The following PCDHGA2 variants were observed in gnomAD, a reference collection of about 807,000 sequenced individuals.
PCDHGA2 encodes the protein protocadherin gamma subfamily A, 2.
Under a neutral mutation model 59.2 loss-of-function variants are expected in PCDHGA2, and 40 were observed. The observed-to-expected ratio is 0.68, with a 90% confidence interval of 0.52 to 0.88. The LOEUF is 0.88. PCDHGA2 is among the 40% of genes least tolerant of loss of function. The pLI, the probability that PCDHGA2 is intolerant of heterozygous loss-of-function variation, is 0.00. For missense variants in PCDHGA2, 1,226 were observed against 1,204.0 expected (o/e 1.02, Z -0.27); for synonymous variants, 560 against 526.0 (o/e 1.06, Z -0.89).
At chr5:141,394,660 T>G in intron 1 of PCDHGA2, 1 of 1,613,264 alleles carries the variant, frequency 6.2e-7, no homozygotes, top group East Asian at 2.2e-5. Context: ...GAGCCGGGAC[T>G]CTTCTCGGTG....
intron 1 of PCDHGA2, chr5:141,346,252 T>C: frequency 6.2e-7 from 1 of 1,614,176 alleles, no homozygotes; most frequent in East Asian, 2.2e-5. Flanking sequence ...GGCTCGCACT[T>C]TGTGGGCGCG....
chr5:141,352,644 C>T, intron 1 of PCDHGA2: 6 of 1,605,670 alleles, frequency 3.7e-6, no homozygotes, highest in Non-Finnish European at 5.1e-6. Context: ...CACAAAATCG[C>T]TTATGACCCT....
chr5:141,486,637 G>T lies in PCDHGA2; in HGVS notation c.2425-8170G>T. On this transcript the variant is annotated intron_variant, in intron 1 of 3. Coordinates refer to ENST00000394576, the MANE Select transcript of PCDHGA2 (RefSeq NM_018915.4). This position sits in a 1 kb window ranked among gnomAD's most constrained non-coding sequence, Gnocchi z 5.0. ...CTGACCCAGACTCTGGCTTGAATGCGCTTATCTCCTACTCACTCCTGGAGC... is the reference window on the plus strand; with the variant it reads ...CTGACCCAGACTCTGGCTTGAATGCTCTTATCTCCTACTCACTCCTGGAGC... 6.2e-7 allele frequency: 1 copy of T among 1,613,638 alleles called. No homozygotes were observed. The highest frequency in any genetic ancestry group is 8.5e-7 in the Non-Finnish European group (1 of 1,180,034).
At position 141,338,842 on chromosome 5, in the gene PCDHGA2, C is replaced by G. The variant is rs1476602900; in HGVS notation, c.-130C>G. On this transcript the variant is annotated 5_prime_UTR_variant, in exon 1 of 4. Transcript: ENST00000394576. Reference sequence around the variant, plus strand: ...AGGACACCAAAGAAATTCAGTCGAACAGCCCACCAGTTCTCTCCATAGGGA... The same window carrying G: ...AGGACACCAAAGAAATTCAGTCGAAGAGCCCACCAGTTCTCTCCATAGGGA... 1 of 1,396,648 alleles carries G rather than the reference C, an allele frequency of 7.2e-7. No homozygotes were observed. The highest frequency in any genetic ancestry group is 3.2e-5 in the Admixed American group (1 of 31,098). The allele number at this position is 1,396,648 out of a possible 1,614,324, so 86.5% of individuals were successfully genotyped here.
At chr5:141,478,513 G>A in intron 1 of PCDHGA2, 1 of 1,611,520 alleles carries the variant, frequency 6.2e-7, no homozygotes. Context: ...TCTATAGGCA[G>A]GTGTTGGGTG....
At chr5:141,359,388 T>C (rs960100027) in intron 1 of PCDHGA2, among the ~76,000 whole-genome samples, 6 of 152,096 alleles carry the variant, frequency 3.9e-5, no homozygotes, top group African/African-American at 9.7e-5. Context: ...ATTTATAACC[T>C]AAAATCAAAT....
chr5:141,415,301 T>C, intron 1 of PCDHGA2: 1 of 1,614,230 alleles, frequency 6.2e-7, no homozygotes, highest in South Asian at 1.1e-5. Context: ...TGCGTCTTCC[T>C]GGCCTTCGTC....
intron 1 of PCDHGA2, chr5:141,343,416 T>C (rs967311105): frequency 1.0e-6 from 1 of 965,384 alleles, no homozygotes; most frequent in East Asian, 1.1e-4. Context: ...ATAACCCTGA[T>C]AAATGTAGTA....
chr5:141,393,656 C>T (rs762750239), intron 1 of PCDHGA2: 2 of 1,613,868 alleles, frequency 1.2e-6, no homozygotes, highest in East Asian at 4.5e-5. Context: ...CATACAAATT[C>T]CGGAAAATTA....
Position 141,383,203 on chromosome 5 carries a change from T to A in PCDHGA2, c.2424+41808T>A, listed in dbSNP as rs755782697. The A allele has an allele frequency of 2.5e-6, 4 of 1,613,936 alleles. No homozygotes were observed. The highest frequency in any genetic ancestry group is 3.3e-5 in the Admixed American group (2 of 60,008). On this transcript the variant is annotated intron_variant, in intron 1 of 3. Coordinates refer to ENST00000394576, the MANE Select transcript of PCDHGA2 (RefSeq NM_018915.4). ...AGAGATCTGCGCTCAGAGTGCGCGGTGTCTGGTAAACTTTAACATCCTGAT... is the reference window on the plus strand; with the variant it reads ...AGAGATCTGCGCTCAGAGTGCGCGGAGTCTGGTAAACTTTAACATCCTGAT...
intron 1 of PCDHGA2, chr5:141,394,972 A>T (rs766374618): frequency 1.7e-5 from 28 of 1,613,900 alleles, no homozygotes; most frequent in Non-Finnish European, 2.3e-5. Flanking sequence ...AGGCGCTGGC[A>T]CAAGTCACGC....
intron 1 of PCDHGA2, chr5:141,365,312 G>T: frequency 1.2e-6 from 2 of 1,614,006 alleles, no homozygotes; most frequent in African/African-American, 1.3e-5. Context: ...AGGCGCTCTT[G>T]TTGCCAGCGC....
chr5:141,364,895 C>T lies in PCDHGA2; in HGVS notation c.2424+23500C>T, dbSNP rs200656228. The T allele has an allele frequency of 3.7e-6, 6 of 1,613,860 alleles. No homozygotes were observed. The African/African-American group carries it at 6.7e-5, about 18-fold the overall frequency. ...GGATGTGGTAAGCGGAACTGATGGA[C>T]AAAAGTATCCGGAGCTGGTGTTGGA... On this transcript the variant is annotated intron_variant, in intron 1 of 3. Coordinates refer to ENST00000394576, the MANE Select transcript of PCDHGA2 (RefSeq NM_018915.4).
At chr5:141,467,939 A>G (rs2099154812) in intron 1 of PCDHGA2, among the ~76,000 whole-genome samples, 2 of 152,190 alleles carry the variant, frequency 1.3e-5, no homozygotes, top group Admixed American at 6.5e-5. Context: ...GATTACAAGC[A>G]TGAGCCACCA....
chr5:141,372,867 T>A, intron 1 of PCDHGA2: 1 of 1,387,652 alleles, frequency 7.2e-7, no homozygotes, highest in Non-Finnish European at 9.7e-7. Context: ...TTCATTGATT[T>A]AGAGATAAAA....
chr5:141,338,895 C>T lies in PCDHGA2; in HGVS notation c.-77C>T. 6.8e-7 allele frequency: 1 copy of T among 1,481,044 alleles called. No individual in the cohort carries two copies. Among genetic ancestry groups the T allele is most frequent in the Non-Finnish European group, 9.0e-7 (1 of 1,116,460 alleles). 91.7% of individuals were successfully genotyped at this position (1,481,044 alleles called of 1,614,324 possible). On this transcript the variant is annotated 5_prime_UTR_variant, in exon 1 of 4. Transcript: ENST00000394576. Reference sequence around the variant, plus strand: ...TGGGTCCCGTGAATGCTGGTTATCTCACACCCTGAGGAATAAAGATTGGAA... The same window carrying T: ...TGGGTCCCGTGAATGCTGGTTATCTTACACCCTGAGGAATAAAGATTGGAA...
At chr5:141,345,466 A>G in intron 1 of PCDHGA2, 1 of 1,614,078 alleles carries the variant, frequency 6.2e-7, no homozygotes, top group South Asian at 1.1e-5. Context: ...ACAGCCCAGG[A>G]CCCAGATAGC....
intron 1 of PCDHGA2, chr5:141,351,700 C>A (rs753470957): frequency 3.1e-6 from 5 of 1,613,838 alleles, no homozygotes; most frequent in Non-Finnish European, 4.2e-6. Context: ...TGGGACCCAA[C>A]GGCAGAGTCT....
chr5:141,423,149 A>G (rs763488632), intron 1 of PCDHGA2: 2 of 1,613,554 alleles, frequency 1.2e-6, no homozygotes, highest in Non-Finnish European at 8.5e-7. Context: ...GCGCTCAAGC[A>G]GAGCCTCGTG....
Sources: gnomAD v4.1 joint callset for allele counts (sites outside exome capture counted in the v4.1 genomes callset) on GRCh38, gnomAD v4.1.1 for gene constraint, Gnocchi (gnomAD v3.1) non-coding constraint, MANE v1.5 for transcripts, NCBI Gene and HGNC (gene_info 2026-07-23, HGNC 2026-07-21) for gene names.